DNAJC1: variants seen among roughly 807,000 people sequenced by gnomAD.
DNAJC1 encodes DnaJ heat shock protein family (Hsp40) member C1.
A neutral mutation model predicts 76.6 loss-of-function variants in DNAJC1; 58 were observed. The ratio of observed to expected loss-of-function variants is 0.76; its 90% CI spans 0.61 to 0.94. The LOEUF (loss-of-function observed/expected upper bound fraction) is 0.94. Among genes scored for constraint, DNAJC1 ranks in the 40% least tolerant of loss-of-function variants. The pLI, the probability that DNAJC1 is intolerant of heterozygous loss-of-function variation, is 0.00. For missense variants in DNAJC1, 689 were observed against 677.3 expected (o/e 1.02, Z -0.19); for synonymous variants, 258 against 267.9 (o/e 0.96, Z 0.36).
intron 8 of DNAJC1, among the ~76,000 whole-genome samples, chr10:21,813,104 T>TATAC (rs1834999825): frequency 6.9e-6 from 1 of 144,704 alleles, no homozygotes; most frequent in Non-Finnish European, 1.5e-5. Context: ...CACATATATA[T>TATAC]ATATATATAT....
At chr10:21,833,383 A>G (rs760680120) in intron 8 of DNAJC1, among the ~76,000 whole-genome samples, 3 of 152,230 alleles carry the variant, frequency 2.0e-5, no homozygotes, top group African/African-American at 7.2e-5. Context: ...AGGCAGGCGA[A>G]TCAATTGAAC....
At chr10:21,791,217 T>C (rs1834682328) in intron 9 of DNAJC1, among the ~76,000 whole-genome samples, 2 of 152,082 alleles carry the variant, frequency 1.3e-5, no homozygotes, top group African/African-American at 2.4e-5. Flanking sequence ...GCACCCAACA[T>C]TGGAGAAACC....
intron 9 of DNAJC1, among the ~76,000 whole-genome samples, chr10:21,774,128 G>A (rs1317981516): frequency 2.2e-5 from 3 of 135,488 alleles, no homozygotes; most frequent in East Asian, 2.1e-4. Flanking sequence ...GCGACAGAGC[G>A]AGACTCCGTC....
intron 8 of DNAJC1, among the ~76,000 whole-genome samples, chr10:21,832,040 T>C (rs1233179143): frequency 6.6e-6 from 1 of 152,110 alleles, no homozygotes; most frequent in African/African-American, 2.4e-5. Flanking sequence ...GAAAATGATC[T>C]GAAGTAGAAC....
At chr10:21,875,252 C>A (rs1163289821) in intron 8 of DNAJC1, among the ~76,000 whole-genome samples, 2 of 152,158 alleles carry the variant, frequency 1.3e-5, no homozygotes, top group African/African-American at 4.8e-5. Flanking sequence ...AACTCCTGGA[C>A]TCAAGAGATC....
At chr10:21,967,635 T>C (rs1205047652) in intron 1 of DNAJC1, among the ~76,000 whole-genome samples, 1 of 152,226 alleles carries the variant, frequency 6.6e-6, no homozygotes, top group African/African-American at 2.4e-5. Context: ...AACAAAGAGA[T>C]CCTAAAATAC....
intron 11 of DNAJC1, among the ~76,000 whole-genome samples, chr10:21,758,590 T>G (rs1049598139): frequency 6.6e-6 from 1 of 152,378 alleles, no homozygotes; most frequent in South Asian, 2.1e-4. Context: ...AGCTGTCGCC[T>G]GGCACTGACC....
intron 8 of DNAJC1, among the ~76,000 whole-genome samples, chr10:21,829,848 C>G (rs1208504210): frequency 6.6e-6 from 1 of 152,140 alleles, no homozygotes; most frequent in Non-Finnish European, 1.5e-5. Flanking sequence ...CATGTGCTTT[C>G]TTTTATTCTT....
intron 7 of DNAJC1, among the ~76,000 whole-genome samples, chr10:21,901,484 C>A (rs1486670859): frequency 2.6e-5 from 4 of 152,114 alleles, no homozygotes; most frequent in African/African-American, 9.7e-5. Flanking sequence ...CTTATTTAAA[C>A]CTAAACCACA....
intron 9 of DNAJC1, among the ~76,000 whole-genome samples, chr10:21,792,560 C>T (rs1048306274): frequency 3.3e-5 from 5 of 151,970 alleles, no homozygotes; most frequent in African/African-American, 9.7e-5. Context: ...AGTTTCTGAC[C>T]ATCCTGGCCA....
intron 6 of DNAJC1, among the ~76,000 whole-genome samples, chr10:21,904,917 C>A (rs912955767): frequency 6.6e-6 from 1 of 151,958 alleles, no homozygotes; most frequent in Non-Finnish European, 1.5e-5. Flanking sequence ...GTTGCATATA[C>A]AGAGAGCAGA....
intron 7 of DNAJC1, among the ~76,000 whole-genome samples, chr10:21,886,526 CA>C (rs1027473055): frequency 5.9e-5 from 9 of 151,856 alleles, no homozygotes; most frequent in African/African-American, 2.2e-4. Context: ...GCCACAACAA[CA>C]AAAAAACTTC....
At chr10:21,894,549 C>G (rs1836509991) in intron 7 of DNAJC1, among the ~76,000 whole-genome samples, 1 of 151,930 alleles carries the variant, frequency 6.6e-6, no homozygotes, top group African/African-American at 2.4e-5. Context: ...CCAGCCTGGG[C>G]AACAAGAGCA....
chr10:21,950,894 T>G (rs895278505), intron 1 of DNAJC1, among the ~76,000 whole-genome samples: 1 of 151,950 alleles, frequency 6.6e-6, no homozygotes, highest in African/African-American at 2.4e-5. Context: ...AGAAGAAAAG[T>G]TGGAAGCTAG....
At chr10:21,887,930 C>T (rs971691521) in intron 7 of DNAJC1, among the ~76,000 whole-genome samples, 1 of 152,032 alleles carries the variant, frequency 6.6e-6, no homozygotes, top group Non-Finnish European at 1.5e-5. Flanking sequence ...AAGAAACTAT[C>T]GACAGAGTAA....
At chr10:21,987,813 C>CT (rs1238652291) in intron 1 of DNAJC1, among the ~76,000 whole-genome samples, 2 of 152,138 alleles carry the variant, frequency 1.3e-5, no homozygotes, top group African/African-American at 4.8e-5. Flanking sequence ...TAGCAGAACT[C>CT]TAAGTGAAAT....
At chr10:21,787,845 C>T (rs967539513) in intron 9 of DNAJC1, among the ~76,000 whole-genome samples, 3 of 152,266 alleles carry the variant, frequency 2.0e-5, no homozygotes, top group South Asian at 2.1e-4. Context: ...AGAAGCTGCA[C>T]AGCTTTGCTC....
chr10:21,931,077 T>G (rs1003178179), intron 1 of DNAJC1, among the ~76,000 whole-genome samples: 2 of 152,236 alleles, frequency 1.3e-5, no homozygotes, highest in African/African-American at 2.4e-5. Flanking sequence ...TGCCACCATA[T>G]GTACCCCAAA....
chr10:21,890,250 T>G (rs922118948), intron 7 of DNAJC1, among the ~76,000 whole-genome samples: 2 of 151,666 alleles, frequency 1.3e-5, no homozygotes, highest in East Asian at 3.9e-4. Context: ...CTGTCTCTAC[T>G]AAAAATATGA....
Sources: gnomAD v4.1 joint callset for allele counts (sites outside exome capture counted in the v4.1 genomes callset) on GRCh38, gnomAD v4.1.1 for gene constraint, MANE v1.5 for transcripts, NCBI Gene and HGNC (gene_info 2026-07-23, HGNC 2026-07-21) for gene names.